Variants in PVT1 observed in about 807,000 individuals in gnomAD.
PVT1 encodes CXCR4/PVT1 fusion.
At chr8:127,997,061 G>GTT (rs1453462556) in intron 4 of PVT1, among the ~76,000 whole-genome samples, 1 of 114,942 alleles carries the variant, frequency 8.7e-6, no homozygotes, top group African/African-American at 3.3e-5. Context: ...TTTTTTGTTT[G>GTT]TTTGTTTTTT....
Position 127,973,980 on chromosome 8 carries a change from G to GAA in PVT1, n.783-15170_783-15169dup, listed in dbSNP as rs34219434. 5.0e-3 allele frequency among the ~76,000 whole-genome samples: 703 copies of GAA among 140,084 alleles called. 5 individuals are homozygous for GAA. Among genetic ancestry groups the GAA allele is most frequent in the African/African-American group, 0.017 (661 of 38,708 alleles). 91.9% of individuals were successfully genotyped at this position (140,084 alleles called of 152,430 possible). On this transcript the variant is annotated intron_variant and non_coding_transcript_variant, in intron 3 of 10. Transcript: ENST00000651587. Reference sequence around the variant, plus strand: ...GGGGACAGAGCGAGACTCCGTCTCAGAAAAAAAAAAAAAGAAGACATAGTT... The same window carrying GAA: ...GGGGACAGAGCGAGACTCCGTCTCAGAAAAAAAAAAAAAAAGAAGACATAGTT...
At chr8:128,004,361 G>C (rs910941754) in intron 4 of PVT1, among the ~76,000 whole-genome samples, 8 of 152,158 alleles carry the variant, frequency 5.3e-5, no homozygotes, top group African/African-American at 1.7e-4. Context: ...TGGGGGAGAA[G>C]GGAGGGCTTT....
intron 4 of PVT1, among the ~76,000 whole-genome samples, chr8:127,993,223 AC>A (rs1300981648): frequency 6.6e-6 from 1 of 152,192 alleles, no homozygotes; most frequent in Non-Finnish European, 1.5e-5. Context: ...AATGTGCCCA[AC>A]TTTTTTTCTT....
At chr8:127,875,336 T>A (rs533222438) in intron 2 of PVT1, among the ~76,000 whole-genome samples, 15 of 145,960 alleles carry the variant, frequency 1.0e-4, no homozygotes, top group Non-Finnish European at 1.8e-4. Flanking sequence ...TCTGTCTCTG[T>A]CTCTGACTCT....
rs189606059 is a variant in PVT1, at chr8:127,834,121, T to C, written n.372+38050T>C. Among the ~76,000 whole-genome samples the C allele has an allele frequency of 1.7e-3, 264 of 152,256 alleles. 2 individuals carry two copies. The highest frequency in any genetic ancestry group is 8.9e-3 in the South Asian group (43 of 4,810). On this transcript the variant is annotated intron_variant and non_coding_transcript_variant, in intron 2 of 10. Transcript: ENST00000651587. The stretch of plus-strand genomic sequence containing the variant: ...CTGCTTACAACCTCACCTACACTTA[T>C]TAACTAGCAGAGTTCACTGAGTCTG...
At chr8:127,960,417 A>AT (rs1293645294) in intron 3 of PVT1, among the ~76,000 whole-genome samples, 1 of 152,122 alleles carries the variant, frequency 6.6e-6, no homozygotes, top group Non-Finnish European at 1.5e-5. Context: ...GCTTGGGGAC[A>AT]TTACAGATAA....
chr8:128,056,271 A>G (rs1171008994), intron 4 of PVT1, among the ~76,000 whole-genome samples: 1 of 152,214 alleles, frequency 6.6e-6, no homozygotes, highest in African/African-American at 2.4e-5. Context: ...ATTAATTGAA[A>G]TAGGAGTGTG....
In PVT1 at chr8:128,049,831, TC is replaced by T. The variant is rs368713904; in HGVS notation, n.913-20328del. Among the ~76,000 whole-genome samples, 37 of 152,330 alleles carry T rather than the reference TC, an allele frequency of 2.4e-4. 1 individual carries two copies. In the East Asian group the frequency reaches 6.9e-3, roughly 29 times the overall value. On this transcript the variant is annotated intron_variant and non_coding_transcript_variant, in intron 4 of 10. Coordinates refer to ENST00000651587, the Ensembl canonical transcript of PVT1. ...GTGATATTAGGCAAGTGGTGGAACC[TC>T]TCTGTGCGTCCGACTTCTCATCTAT...
intron 2 of PVT1, among the ~76,000 whole-genome samples, chr8:127,818,713 G>A (rs1283795744): frequency 7.2e-5 from 11 of 152,112 alleles, no homozygotes; most frequent in Admixed American, 5.9e-4. Context: ...AGATCTCAGC[G>A]AGTTGCTTAC....
chr8:127,943,606 C>A (rs1816380201), intron 3 of PVT1, among the ~76,000 whole-genome samples: 1 of 152,140 alleles, frequency 6.6e-6, no homozygotes, highest in Non-Finnish European at 1.5e-5. Flanking sequence ...TCAGTCGCAA[C>A]CCCAGCTTCC....
At chr8:127,834,634 A>G (rs898901082) in intron 2 of PVT1, among the ~76,000 whole-genome samples, 1 of 152,164 alleles carries the variant, frequency 6.6e-6, no homozygotes, top group East Asian at 1.9e-4. Context: ...TCAACAAGGA[A>G]CCTACAGAAT....
intron 3 of PVT1, among the ~76,000 whole-genome samples, chr8:127,942,632 C>G (rs1816366490): frequency 6.6e-6 from 1 of 152,144 alleles, no homozygotes; most frequent in Non-Finnish European, 1.5e-5. Context: ...TGAGTGATAG[C>G]CACCTGGTGA....
At chr8:127,925,905 T>C (rs1321224565) in intron 3 of PVT1, among the ~76,000 whole-genome samples, 1 of 152,208 alleles carries the variant, frequency 6.6e-6, no homozygotes, top group Non-Finnish European at 1.5e-5. Flanking sequence ...GCTCCCAAAG[T>C]GCTGGGATTA....
At chr8:128,086,137 C>T (rs1348533229) in intron 5 of PVT1, among the ~76,000 whole-genome samples, 2 of 152,250 alleles carry the variant, frequency 1.3e-5, no homozygotes, top group African/African-American at 4.8e-5. Context: ...AGCAGTAACT[C>T]ATCCCTAGTA....
intron 2 of PVT1, among the ~76,000 whole-genome samples, chr8:127,847,696 A>G (rs1815051718): frequency 6.6e-6 from 1 of 152,194 alleles, no homozygotes; most frequent in Non-Finnish European, 1.5e-5. Context: ...TATTGTTGAC[A>G]CAAAAAGCAC....
At chr8:128,023,942 C>T (rs913998639) in intron 4 of PVT1, among the ~76,000 whole-genome samples, 16 of 152,226 alleles carry the variant, frequency 1.1e-4, no homozygotes, top group African/African-American at 3.4e-4. Flanking sequence ...CTACGCCAGG[C>T]ACTTCTTATC....
chr8:127,926,636 C>G (rs1816133613), intron 3 of PVT1, among the ~76,000 whole-genome samples: 1 of 152,210 alleles, frequency 6.6e-6, no homozygotes, highest in African/African-American at 2.4e-5. Context: ...TTGCCTGGCT[C>G]TGCCACCTTC....
intron 3 of PVT1, among the ~76,000 whole-genome samples, chr8:127,909,002 C>T (rs1029550712): frequency 2.0e-5 from 3 of 152,184 alleles, no homozygotes; most frequent in Admixed American, 6.5e-5. Context: ...AGCTTATAGA[C>T]GCTGCCCGTT....
In PVT1 at chr8:127,900,593, G is replaced by A. The variant is rs147348174; in HGVS notation, n.782+9595G>A. Among the ~76,000 whole-genome samples the A allele has an allele frequency of 1.3e-3, 202 of 152,324 alleles. 1 individual carries two copies. Among genetic ancestry groups the A allele is most frequent in the African/African-American group, 4.7e-3 (196 of 41,562 alleles). ...CTGCACTTTCCTCTTTTCTCCCGGC[G>A]CTATGCTGGGCAGATGATGCTACTA... On this transcript the variant is annotated intron_variant and non_coding_transcript_variant, in intron 3 of 10. Transcript: ENST00000651587.
Sources: gnomAD v4.1 joint callset for allele counts (sites outside exome capture counted in the v4.1 genomes callset) on GRCh38, gnomAD v4.1.1 for gene constraint, MANE v1.5 for transcripts, NCBI Gene and HGNC (gene_info 2026-07-23, HGNC 2026-07-21) for gene names.